Variants in PCDH9 observed in about 807,000 individuals in gnomAD.
PCDH9 encodes the protein protocadherin-9.
Under a neutral mutation model 70.6 loss-of-function variants are expected in PCDH9, and 24 were observed. The observed-to-expected ratio is 0.34, with a 90% confidence interval of 0.25 to 0.48. The LOEUF (loss-of-function observed/expected upper bound fraction) is 0.48, where lower values mean the gene tolerates loss of function less well. PCDH9 is among the 20% of genes least tolerant of loss of function. The probability of loss-of-function intolerance (pLI) is 0.99; values close to 1 mark genes in which losing one functional copy is unlikely to be tolerated. For missense variants in PCDH9, 1,281 were observed against 1,503.6 expected (o/e 0.85, Z 2.45); for synonymous variants, 562 against 558.5 (o/e 1.01, Z -0.09).
chr13:66,695,029 T>C (rs769652948), intron 3 of PCDH9, among the ~76,000 whole-genome samples: 54 of 151,618 alleles, frequency 3.6e-4, no homozygotes, highest in Non-Finnish European at 4.6e-4. Flanking sequence ...TCAGTCTCCC[T>C]AGTAGCTGGG....
intron 3 of PCDH9, among the ~76,000 whole-genome samples, chr13:66,687,256 G>C (rs1393434091): frequency 6.6e-6 from 1 of 152,108 alleles, no homozygotes; most frequent in Non-Finnish European, 1.5e-5. Flanking sequence ...CAGAGTTTTT[G>C]TGACAAGATT....
chr13:66,366,204 T>A (rs1048028448), intron 4 of PCDH9, among the ~76,000 whole-genome samples: 1 of 152,196 alleles, frequency 6.6e-6, no homozygotes, highest in East Asian at 1.9e-4. Flanking sequence ...CCCATTAGTT[T>A]ATTTTTAAAA....
At chr13:66,665,974 T>C (rs2078091418) in intron 3 of PCDH9, among the ~76,000 whole-genome samples, 1 of 152,202 alleles carries the variant, frequency 6.6e-6, no homozygotes, top group Non-Finnish European at 1.5e-5. Context: ...AGATTTCTCC[T>C]TCAGGCCCAT....
At chr13:66,608,101 T>G (rs1216213433) in intron 4 of PCDH9, among the ~76,000 whole-genome samples, 1 of 152,122 alleles carries the variant, frequency 6.6e-6, no homozygotes, top group African/African-American at 2.4e-5. Context: ...AGAAGGTATT[T>G]TACAACTGTA....
rs76051306 is a variant in PCDH9, at chr13:66,951,424, T to C, written c.3037-47819A>G. On this transcript the variant is annotated intron_variant, in intron 2 of 4. Coordinates refer to ENST00000377865, the MANE Select transcript of PCDH9 (RefSeq NM_203487.3). ...TGTTTGCTTGCTTGCTTGTTTTTTGTTTGTTTTTCATATCAGAAAGAGTGA... is the reference window on the plus strand; with the variant it reads ...TGTTTGCTTGCTTGCTTGTTTTTTGCTTGTTTTTCATATCAGAAAGAGTGA... 6.4e-4 allele frequency among the ~76,000 whole-genome samples: 98 copies of C among 152,280 alleles called. 1 individual carries two copies. The East Asian group carries it at 0.018, about 27-fold the overall frequency.
intron 3 of PCDH9, among the ~76,000 whole-genome samples, chr13:66,900,527 C>T (rs574059481): frequency 1.1e-4 from 16 of 151,868 alleles, no homozygotes; most frequent in Admixed American, 6.6e-4. Context: ...ATGCATATGA[C>T]GTGCTTAGAA....
intron 2 of PCDH9, among the ~76,000 whole-genome samples, chr13:67,181,403 C>T (rs1279257701): frequency 1.3e-5 from 2 of 152,066 alleles, no homozygotes; most frequent in Admixed American, 1.3e-4. Flanking sequence ...ATTCATATCA[C>T]AGGAGGTTCA....
chr13:66,777,612 A>G (rs2079919346), intron 3 of PCDH9, among the ~76,000 whole-genome samples: 1 of 152,126 alleles, frequency 6.6e-6, no homozygotes, highest in Admixed American at 6.5e-5. Flanking sequence ...AATGGCAATC[A>G]TTAAAAAGTC....
intron 4 of PCDH9, among the ~76,000 whole-genome samples, chr13:66,624,193 G>A (rs1005302166): frequency 1.3e-5 from 2 of 152,130 alleles, no homozygotes; most frequent in Admixed American, 6.5e-5. Flanking sequence ...TTGAATTAGT[G>A]AAATTCTTTC....
intron 3 of PCDH9, among the ~76,000 whole-genome samples, chr13:66,884,379 A>G (rs910214931): frequency 6.6e-6 from 1 of 152,118 alleles, no homozygotes; most frequent in Non-Finnish European, 1.5e-5. Flanking sequence ...AGGAATTTTA[A>G]CTTTGTCTCT....
intron 3 of PCDH9, among the ~76,000 whole-genome samples, chr13:66,822,684 C>T (rs1438701548): frequency 6.6e-6 from 1 of 151,788 alleles, no homozygotes; most frequent in Non-Finnish European, 1.5e-5. Context: ...CGCCACTACG[C>T]CTGGCTAATT....
chr13:66,648,609 C>A (rs2077805402), intron 3 of PCDH9, among the ~76,000 whole-genome samples: 2 of 152,082 alleles, frequency 1.3e-5, no homozygotes. Flanking sequence ...AGGATGGGTA[C>A]ACAAAAGCCC....
At chr13:66,840,965 T>C (rs2081107359) in intron 3 of PCDH9, among the ~76,000 whole-genome samples, 1 of 152,218 alleles carries the variant, frequency 6.6e-6, no homozygotes, top group Non-Finnish European at 1.5e-5. Flanking sequence ...CTCTGTTTTG[T>C]AGAAGCCATT....
intron 2 of PCDH9, among the ~76,000 whole-genome samples, chr13:66,933,067 G>A (rs964291515): frequency 6.6e-5 from 10 of 151,764 alleles, no homozygotes; most frequent in African/African-American, 1.4e-4. Flanking sequence ...TTGGACACTC[G>A]TTATATTTTG....
At chr13:66,472,201 G>T (rs936171011) in intron 4 of PCDH9, among the ~76,000 whole-genome samples, 1 of 113,244 alleles carries the variant, frequency 8.8e-6, no homozygotes, top group Admixed American at 1.1e-4. Flanking sequence ...GACAGAGCAA[G>T]ACTCCATCTC....
intron 4 of PCDH9, among the ~76,000 whole-genome samples, chr13:66,387,419 T>C (rs1379572969): frequency 6.6e-6 from 1 of 151,928 alleles, no homozygotes; most frequent in Non-Finnish European, 1.5e-5. Context: ...TTGGTCCCCA[T>C]TGTTGGAGGT....
chr13:66,785,300 C>T (rs1308632834), intron 3 of PCDH9, among the ~76,000 whole-genome samples: 1 of 151,774 alleles, frequency 6.6e-6, no homozygotes, highest in Admixed American at 6.6e-5. Context: ...CTCTAGAAAA[C>T]TGATGAGTGA....
intron 2 of PCDH9, among the ~76,000 whole-genome samples, chr13:67,166,689 G>A (rs1481234342): frequency 6.6e-6 from 1 of 151,874 alleles, no homozygotes; most frequent in Non-Finnish European, 1.5e-5. Context: ...TTTTTATTCT[G>A]TGTTATATTA....
intron 4 of PCDH9, among the ~76,000 whole-genome samples, chr13:66,430,014 T>C (rs1957743445): frequency 6.6e-6 from 1 of 152,090 alleles, no homozygotes; most frequent in Admixed American, 6.6e-5. Context: ...AGCTCTCTTG[T>C]ATATAGATAG....
Sources: gnomAD v4.1 joint callset for allele counts (sites outside exome capture counted in the v4.1 genomes callset) on GRCh38, gnomAD v4.1.1 for gene constraint, MANE v1.5 for transcripts, NCBI Gene and HGNC (gene_info 2026-07-23, HGNC 2026-07-21) for gene names.